P2RX1: variants seen among roughly 807,000 people sequenced by gnomAD.
P2RX1 encodes P2X purinoceptor 1.
In P2RX1, 42 loss-of-function variants were observed where a neutral mutation model predicts 50.3. The observed-to-expected ratio is 0.83, with a 90% confidence interval of 0.65 to 1.08. The LOEUF is 1.08. P2RX1 is among the 50% of genes least tolerant of loss of function. The probability of loss-of-function intolerance (pLI) is 0.00; values close to 1 mark genes in which losing one functional copy is unlikely to be tolerated. For missense variants in P2RX1, 449 were observed against 529.0 expected (o/e 0.85, Z 1.48); for synonymous variants, 199 against 202.6 (o/e 0.98, Z 0.15).
At chr17:3,910,737 A>T (rs1372686068) in intron 1 of P2RX1, among the ~76,000 whole-genome samples, 1 of 152,100 alleles carries the variant, frequency 6.6e-6, no homozygotes, top group African/African-American at 2.4e-5. Context: ...CCTGGGAGGG[A>T]ATGTGCTCAG....
chr17:3,916,279 G>A lies in P2RX1; in HGVS notation c.-54C>T. ...CCCCCTGCACGGCCTCTGCTCTCAG[G>A]GTGAGCCGGGTGCCACCACCCACGT... is the stretch of plus-strand genomic sequence containing the variant. On this transcript the variant is annotated 5_prime_UTR_variant, in exon 1 of 12. Transcript: ENST00000225538. 6.3e-7 allele frequency: 1 copy of A among 1,582,648 alleles called. No individual in the cohort carries two copies. The highest frequency in any genetic ancestry group is 8.6e-7 in the Non-Finnish European group (1 of 1,161,926).
chr17:3,916,118 G>A lies in P2RX1; in HGVS notation c.108C>T (p.Ile36=), dbSNP rs372753831. The change falls in exon 1 of 12, where the codon ATC becomes ATT. Residue 36 remains isoleucine (I), a synonymous_variant. Coordinates refer to ENST00000225538, the MANE Select transcript of P2RX1 (RefSeq NM_002558.4). ...TGACGTAGACCAGGACCACCAGCTG[G>A]ATCAGTCGGAAGATAACGCCCACCT... is the stretch of plus-strand genomic sequence containing the variant. ...NKKVGVIFRL[I]QLVVLVYVIG... is the part of the protein sequence containing the mutation. 1.9e-6 allele frequency: 3 copies of A among 1,613,698 alleles called. No homozygotes were observed. Among genetic ancestry groups the A allele is most frequent in the Non-Finnish European group, 2.5e-6 (3 of 1,180,024 alleles).
At chr17:3,911,625 G>T (rs1299608407) in intron 1 of P2RX1, among the ~76,000 whole-genome samples, 1 of 145,680 alleles carries the variant, frequency 6.9e-6, no homozygotes, top group Admixed American at 7.1e-5. Flanking sequence ...GCCCTCCCCT[G>T]CTAGACATCC....
At position 3,903,507 on chromosome 17, in the gene P2RX1, GC is replaced by G. The variant is rs1290729429; in HGVS notation, c.605+43del. On this transcript the variant is annotated intron_variant, in intron 6 of 11. Transcript: ENST00000225538. The surrounding 1 kb of genome is among the most constrained non-coding windows in gnomAD (Gnocchi z 4.6). Reference sequence around the variant, plus strand: ...GAGACAGCTGAGAGCTGCCGGAGCGGCCCCGGCCAGCTGCCTGCATTTCTGC... The same window carrying G: ...GAGACAGCTGAGAGCTGCCGGAGCGGCCCGGCCAGCTGCCTGCATTTCTGC... The G allele has an allele frequency of 1.2e-6, 2 of 1,601,694 alleles. No individual in the cohort carries two copies. The highest frequency in any genetic ancestry group is 1.7e-6 in the Non-Finnish European group (2 of 1,169,402).
chr17:3,911,505 C>A (rs1369215549), intron 1 of P2RX1, among the ~76,000 whole-genome samples: 1 of 152,188 alleles, frequency 6.6e-6, no homozygotes, highest in Non-Finnish European at 1.5e-5. Context: ...ATCTGTCACC[C>A]GTGCTCACTG....
intron 4 of P2RX1, 25 bp from the exon 5 acceptor site, chr17:3,904,049 G>T (rs773227107): frequency 6.3e-7 from 1 of 1,581,618 alleles, no homozygotes; most frequent in Admixed American, 1.7e-5. Flanking sequence ...AAACCCCTGG[G>T]TGCCTGCACT....
chr17:3,915,142 G>T (rs567642160), intron 1 of P2RX1, among the ~76,000 whole-genome samples: 2 of 152,218 alleles, frequency 1.3e-5, no homozygotes, highest in South Asian at 4.1e-4. Flanking sequence ...GCACCCCTAG[G>T]ACCCCAGCAG....
chr17:3,905,595 C>G (rs1197757073), intron 1 of P2RX1, among the ~76,000 whole-genome samples: 1 of 152,184 alleles, frequency 6.6e-6, no homozygotes, highest in African/African-American at 2.4e-5. Context: ...GGCGTGCCAT[C>G]CCAGCATTTT....
chr17:3,912,270 T>A (rs2056378412), intron 1 of P2RX1, among the ~76,000 whole-genome samples: 1 of 152,198 alleles, frequency 6.6e-6, no homozygotes. Flanking sequence ...ATTTTTCAGT[T>A]ACATAAACCA....
Position 3,898,884 on chromosome 17 carries a change from G to T in P2RX1, c.966+50C>A, listed in dbSNP as rs141434587. ...CTGTAGATGCCCAAAGGTACTCACA[G>T]GAGCTGAGAATGTGTCTCAGCTGCC... On this transcript the variant is annotated intron_variant, in intron 9 of 11. Coordinates refer to ENST00000225538, the MANE Select transcript of P2RX1 (RefSeq NM_002558.4). 13 of 1,418,772 alleles carry T rather than the reference G, an allele frequency of 9.2e-6. No homozygotes were observed. The East Asian group carries it at 2.0e-4, about 22-fold the overall frequency. The allele number at this position is 1,418,772 out of a possible 1,614,324, so 87.9% of individuals were successfully genotyped here. A position where few individuals can be genotyped will look rare whatever the true frequency, so the allele number is the denominator to read the frequency against.
At chr17:3,898,176 C>T in intron 10 of P2RX1, 66 bp from the exon 11 acceptor site, 4 of 1,338,174 alleles carry the variant, frequency 3.0e-6, no homozygotes, top group Non-Finnish European at 4.3e-6. Flanking sequence ...CCCTCCACAT[C>T]CCACCTCAGT....
rs937767138 is a variant in P2RX1 at position 3,914,021 on chromosome 17, G to A, written c.137+2068C>T. 4.6e-5 allele frequency among the ~76,000 whole-genome samples: 7 copies of A among 152,216 alleles called. No individual in the cohort carries two copies. The East Asian group carries it at 9.6e-4, about 21-fold the overall frequency. On this transcript the variant is annotated intron_variant, in intron 1 of 11. Coordinates refer to ENST00000225538, the MANE Select transcript of P2RX1 (RefSeq NM_002558.4). The surrounding 1 kb of genome is among the most constrained non-coding windows in gnomAD (Gnocchi z 4.1). ...TACTGAGCAGTGGCCAGACGAGGGC[G>A]CAAGAGACAGCAGGCACCACAGCCT... is the stretch of plus-strand genomic sequence containing the variant.
chr17:3,913,226 A>G (rs892227942), intron 1 of P2RX1, among the ~76,000 whole-genome samples: 1 of 151,776 alleles, frequency 6.6e-6, no homozygotes. Context: ...CCAGGGTTCA[A>G]GTGATTCTGC....
intron 1 of P2RX1, among the ~76,000 whole-genome samples, chr17:3,907,523 A>G (rs2056289972): frequency 6.6e-6 from 1 of 152,124 alleles, no homozygotes; most frequent in Admixed American, 6.5e-5. Flanking sequence ...TCTTAGTCCC[A>G]GAGTCACCTC....
In P2RX1 at chr17:3,903,386, G is replaced by A; in HGVS notation, c.606-43C>T. On this transcript the variant is annotated intron_variant, in intron 6 of 11. Coordinates refer to ENST00000225538, the MANE Select transcript of P2RX1 (RefSeq NM_002558.4). This position sits in a 1 kb window ranked among gnomAD's most constrained non-coding sequence, Gnocchi z 4.6. ...GTTGACAGCTGCTGTGTGTCATCCG[G>A]GAGGGTGCCCACCACGCCCCAAAGC... 1 of 1,612,972 alleles carries A rather than the reference G, an allele frequency of 6.2e-7. No individual in the cohort carries two copies. Among genetic ancestry groups the A allele is most frequent in the African/African-American group, 1.3e-5 (1 of 75,040 alleles).
Position 3,916,346 on chromosome 17 carries a change from A to C in P2RX1, c.-121T>G. The C allele has an allele frequency of 8.6e-7, 1 of 1,168,456 alleles. No individual in the cohort carries two copies. The highest frequency in any genetic ancestry group is 1.2e-6 in the Non-Finnish European group (1 of 818,590). 72.4% of individuals were successfully genotyped at this position (1,168,456 alleles called of 1,614,324 possible). On this transcript the variant is annotated 5_prime_UTR_variant, in exon 1 of 12. Coordinates refer to ENST00000225538, the MANE Select transcript of P2RX1 (RefSeq NM_002558.4). ...GGGGGCTTCCTGGCCCCTTAGGAAG[A>C]GCAGGGCGGTGCAGGTGGAGCCAGA... is the stretch of plus-strand genomic sequence containing the variant.
At chr17:3,912,468 T>C (rs1195281654) in intron 1 of P2RX1, among the ~76,000 whole-genome samples, 1 of 152,094 alleles carries the variant, frequency 6.6e-6, no homozygotes, top group Non-Finnish European at 1.5e-5. Flanking sequence ...GTAGCTGGGA[T>C]TACAGGCGTG....
rs1321892847 is a variant in P2RX1 at position 3,903,839 on chromosome 17, A to G, written c.524+89T>C. 1 of 1,261,382 alleles carries G rather than the reference A, an allele frequency of 7.9e-7. No homozygotes were observed. Among genetic ancestry groups the G allele is most frequent in the Non-Finnish European group, 1.2e-6 (1 of 863,216 alleles). 78.1% of individuals were successfully genotyped at this position (1,261,382 alleles called of 1,614,324 possible). On this transcript the variant is annotated intron_variant, in intron 5 of 11. Transcript: ENST00000225538. This position sits in a 1 kb window ranked among gnomAD's most constrained non-coding sequence, Gnocchi z 4.6. ...CGGATGGGGTGAGGGTGGGGTCAGAAAAAGGGGTAAAGATCCTTTCTAGAC... is the reference window on the plus strand; with the variant it reads ...CGGATGGGGTGAGGGTGGGGTCAGAGAAAGGGGTAAAGATCCTTTCTAGAC...
At chr17:3,915,852 A>G (rs1479832425) in intron 1 of P2RX1, 4 of 663,704 alleles carry the variant, frequency 6.0e-6, no homozygotes, top group Admixed American at 4.1e-5. Context: ...CTCAGAACCC[A>G]GAGACTCTGC....
Sources: gnomAD v4.1 joint callset for allele counts (sites outside exome capture counted in the v4.1 genomes callset) on GRCh38, gnomAD v4.1.1 for gene constraint, Gnocchi (gnomAD v3.1) non-coding constraint, MANE v1.5 for transcripts, NCBI Gene and HGNC (gene_info 2026-07-23, HGNC 2026-07-21) for gene names.